CNOT6L: variants seen among roughly 807,000 people sequenced by gnomAD.
CNOT6L encodes CCR4-NOT transcription complex subunit 6-like.
A neutral mutation model predicts 64.0 loss-of-function variants in CNOT6L; 7 were observed. That is an observed-to-expected ratio of 0.11 (90% confidence interval 0.06 to 0.21). The LOEUF (loss-of-function observed/expected upper bound fraction) is 0.21, where lower values mean the gene tolerates loss of function less well. Ranked by LOEUF, CNOT6L falls within the 10% of genes least tolerant of loss-of-function variation. The probability of loss-of-function intolerance (pLI) is 1.00; values close to 1 mark genes in which losing one functional copy is unlikely to be tolerated. For synonymous variants in CNOT6L, 193 were observed against 243.4 expected (o/e 0.79, Z 1.93); for missense variants, 245 against 669.0 (o/e 0.37, Z 6.99).
At chr4:77,772,664 T>C (rs1255152635) in intron 4 of CNOT6L, among the ~76,000 whole-genome samples, 1 of 152,184 alleles carries the variant, frequency 6.6e-6, no homozygotes, top group East Asian at 1.9e-4. Context: ...GGCTCACATC[T>C]GTAATACCAG....
chr4:77,785,016 C>A (rs952171716), intron 1 of CNOT6L, among the ~76,000 whole-genome samples: 1 of 152,048 alleles, frequency 6.6e-6, no homozygotes, highest in Non-Finnish European at 1.5e-5. Flanking sequence ...TAGATGTGCA[C>A]GCTATCTGAT....
intron 1 of CNOT6L, among the ~76,000 whole-genome samples, chr4:77,809,841 T>C (rs541883002): frequency 6.6e-6 from 1 of 152,228 alleles, no homozygotes; most frequent in East Asian, 1.9e-4. Context: ...AGGTTCTCTC[T>C]GCAAAAGATG....
chr4:77,732,440 T>A (rs1464129699), intron 8 of CNOT6L, among the ~76,000 whole-genome samples: 2 of 152,026 alleles, frequency 1.3e-5, no homozygotes, highest in Non-Finnish European at 2.9e-5. Flanking sequence ...AGAGAAGACA[T>A]AGTCTTGTAA....
intron 4 of CNOT6L, among the ~76,000 whole-genome samples, chr4:77,763,283 T>C (rs1316887560): frequency 6.6e-6 from 1 of 151,970 alleles, no homozygotes; most frequent in Non-Finnish European, 1.5e-5. Flanking sequence ...TATACCTAAA[T>C]GTAAGCACAC....
intron 1 of CNOT6L, among the ~76,000 whole-genome samples, chr4:77,801,098 A>G (rs546217926): frequency 6.6e-6 from 1 of 152,320 alleles, no homozygotes; most frequent in South Asian, 2.1e-4. Flanking sequence ...TTAGAAGGAT[A>G]AAGAACAAGA....
At chr4:77,748,189 A>G in intron 6 of CNOT6L, 127 bp downstream of exon 6, 1 of 709,154 alleles carries the variant, frequency 1.4e-6, no homozygotes, top group Admixed American at 2.5e-5. Flanking sequence ...AAGTCTATCC[A>G]TCAGTATTTT....
intron 4 of CNOT6L, among the ~76,000 whole-genome samples, chr4:77,757,951 T>C (rs1320363629): frequency 1.3e-5 from 2 of 152,162 alleles, no homozygotes; most frequent in African/African-American, 4.8e-5. Flanking sequence ...CCGCCCGCCT[T>C]GGCCTCCCAA....
intron 4 of CNOT6L, among the ~76,000 whole-genome samples, chr4:77,763,315 T>A (rs549355496): frequency 1.4e-4 from 21 of 152,130 alleles, no homozygotes; most frequent in African/African-American, 4.1e-4. Flanking sequence ...AGTAAATGGA[T>A]GAGAGAATAT....
intron 4 of CNOT6L, among the ~76,000 whole-genome samples, chr4:77,770,725 A>T (rs570235850): frequency 2.0e-5 from 3 of 152,236 alleles, no homozygotes; most frequent in African/African-American, 7.2e-5. Flanking sequence ...TAATGAATGT[A>T]AATCAGTGGC....
At chr4:77,762,104 C>T (rs903414970) in intron 4 of CNOT6L, among the ~76,000 whole-genome samples, 1 of 152,104 alleles carries the variant, frequency 6.6e-6, no homozygotes, top group Non-Finnish European at 1.5e-5. Context: ...AAGAGCTATA[C>T]TGGAGTGAAA....
chr4:77,820,233 A>G (rs1277185244), upstream of CNOT6L, among the ~76,000 whole-genome samples: 1 of 151,920 alleles, frequency 6.6e-6, no homozygotes, highest in Admixed American at 6.5e-5. Flanking sequence ...TGCGAGAACG[A>G]GGAGGGTTGA....
At chr4:77,805,428 G>GA (rs1339214231) in intron 1 of CNOT6L, among the ~76,000 whole-genome samples, 9 of 151,714 alleles carry the variant, frequency 5.9e-5, no homozygotes, top group African/African-American at 2.2e-4. Flanking sequence ...AATTTATATA[G>GA]AAAAAAAATT....
At chr4:77,814,319 A>C (rs1733319888) in intron 1 of CNOT6L, among the ~76,000 whole-genome samples, 1 of 152,184 alleles carries the variant, frequency 6.6e-6, no homozygotes, top group Non-Finnish European at 1.5e-5. Flanking sequence ...AATTGTTAAT[A>C]TACTAAAAAC....
intron 10 of CNOT6L, among the ~76,000 whole-genome samples, chr4:77,726,774 G>C (rs1294450839): frequency 6.6e-6 from 1 of 152,138 alleles, no homozygotes; most frequent in Non-Finnish European, 1.5e-5. Flanking sequence ...CAACAACTTT[G>C]CGAATATATA....
chr4:77,806,343 T>G (rs1398109445), intron 1 of CNOT6L, among the ~76,000 whole-genome samples: 1 of 152,040 alleles, frequency 6.6e-6, no homozygotes, highest in African/African-American at 2.4e-5. Context: ...GAGAATCGCT[T>G]GAACCTGGGA....
intron 4 of CNOT6L, among the ~76,000 whole-genome samples, chr4:77,769,634 T>A (rs1183313666): frequency 6.6e-6 from 1 of 152,104 alleles, no homozygotes; most frequent in Non-Finnish European, 1.5e-5. Flanking sequence ...TCCCAGTGCA[T>A]TTTTTTAAAA....
At chr4:77,766,549 A>G (rs1179573981) in intron 4 of CNOT6L, among the ~76,000 whole-genome samples, 1 of 151,914 alleles carries the variant, frequency 6.6e-6, no homozygotes, top group African/African-American at 2.4e-5. Flanking sequence ...GAAAAGAAAA[A>G]AAAAAGCCAT....
In CNOT6L at chr4:77,814,922, T is replaced by C. The variant is rs544764596; in HGVS notation, c.5+4382A>G. ...CAGTGCAGTTAGTAAAAGAAAGTTG[T>C]AGTATTTTCATCACAAAGCATGAGC... is the stretch of plus-strand genomic sequence containing the variant. On this transcript the variant is annotated intron_variant, in intron 1 of 11. Coordinates refer to ENST00000504123, the MANE Select transcript of CNOT6L (RefSeq NM_144571.3). Among the ~76,000 whole-genome samples the C allele has an allele frequency of 6.6e-5, 10 of 152,334 alleles. No homozygotes were observed. The South Asian group carries it at 2.1e-3, about 32-fold the overall frequency.
At chr4:77,817,929 A>G (rs1466190638) in intron 1 of CNOT6L, among the ~76,000 whole-genome samples, 1 of 152,264 alleles carries the variant, frequency 6.6e-6, no homozygotes, top group Non-Finnish European at 1.5e-5. Context: ...AAAGCACATT[A>G]GCAAATAATT....
Sources: allele counts gnomAD v4.1 joint callset (sites outside exome capture counted in the v4.1 genomes callset), GRCh38; gene constraint gnomAD v4.1.1; transcripts MANE v1.5; gene names NCBI Gene and HGNC (gene_info 2026-07-23, HGNC 2026-07-21).